The following STAG1 variants were observed in gnomAD, a reference collection of about 807,000 sequenced individuals.
The protein encoded by STAG1 is STAG1 cohesin complex component, also known as cohesin subunit SA-1.
Under a neutral mutation model 170.9 loss-of-function variants are expected in STAG1, and 26 were observed. The ratio of observed to expected loss-of-function variants is 0.15; its 90% CI spans 0.11 to 0.21. The LOEUF (loss-of-function observed/expected upper bound fraction) is 0.21, where lower values mean the gene tolerates loss of function less well. Among genes scored for constraint, STAG1 ranks in the 10% least tolerant of loss-of-function variants. The probability of loss-of-function intolerance (pLI) is 1.00; values close to 1 mark genes in which losing one functional copy is unlikely to be tolerated. For missense variants in STAG1, 964 were observed against 1,509.5 expected (o/e 0.64, Z 5.99); for synonymous variants, 514 against 497.7 (o/e 1.03, Z -0.44).
At chr3:136,730,645 G>T (rs1576823788) in intron 1 of STAG1, among the ~76,000 whole-genome samples, 2 of 152,180 alleles carry the variant, frequency 1.3e-5, no homozygotes, top group Admixed American at 1.3e-4. Flanking sequence ...TCAGATTTGG[G>T]TTCAGCTGGT....
intron 1 of STAG1, among the ~76,000 whole-genome samples, chr3:136,682,642 T>C (rs1004875508): frequency 2.6e-4 from 40 of 151,788 alleles, no homozygotes; most frequent in African/African-American, 9.7e-4. Context: ...TACAATACCA[T>C]GAAAAGAAAT....
chr3:136,698,027 A>AAAAG (rs1263474395), intron 1 of STAG1, among the ~76,000 whole-genome samples: 1 of 152,130 alleles, frequency 6.6e-6, no homozygotes, highest in Non-Finnish European at 1.5e-5. Context: ...TGGGAAAAAA[A>AAAAG]AAAGAAAGAA....
At chr3:136,366,438 C>G (rs1418521557) in intron 25 of STAG1, among the ~76,000 whole-genome samples, 1 of 152,074 alleles carries the variant, frequency 6.6e-6, no homozygotes, top group Non-Finnish European at 1.5e-5. Flanking sequence ...CCTCTGGCTA[C>G]CAGCACATTA....
rs568213513 is a variant in STAG1 at position 136,722,964 on chromosome 3, G to C, written c.-84+29231C>G. 3.0e-3 allele frequency among the ~76,000 whole-genome samples: 450 copies of C among 152,340 alleles called. 15 individuals carry two copies. The highest frequency in any genetic ancestry group is 0.027 in the Admixed American group (409 of 15,304). ...CAGCCTCGGCCTCCCGAGGTGCCGG[G>C]ATTGCAGACGGAGTCTGGTTCACTC... is the stretch of plus-strand genomic sequence containing the variant. On this transcript the variant is annotated intron_variant, in intron 1 of 33. Coordinates refer to ENST00000383202, the MANE Select transcript of STAG1 (RefSeq NM_005862.3).
chr3:136,745,329 C>T (rs1197363212), intron 1 of STAG1, among the ~76,000 whole-genome samples: 4 of 151,984 alleles, frequency 2.6e-5, no homozygotes, highest in East Asian at 1.9e-4. Context: ...AAAAAACAAA[C>T]GGGGGGCAGG....
chr3:136,626,175 C>G (rs1295486188), intron 2 of STAG1, among the ~76,000 whole-genome samples: 1 of 152,164 alleles, frequency 6.6e-6, no homozygotes, highest in Non-Finnish European at 1.5e-5. Context: ...TGCCTGTAAT[C>G]CCAGCACTTT....
chr3:136,607,447 G>A (rs1039406026), intron 3 of STAG1, among the ~76,000 whole-genome samples: 5 of 152,036 alleles, frequency 3.3e-5, no homozygotes, highest in African/African-American at 1.2e-4. Context: ...TTGTTGCTCA[G>A]GCTGGAGTGC....
chr3:136,725,333 T>C (rs1300594059), intron 1 of STAG1, among the ~76,000 whole-genome samples: 3 of 152,210 alleles, frequency 2.0e-5, no homozygotes, highest in African/African-American at 4.8e-5. Flanking sequence ...AATTATTTCC[T>C]ATTTCTAAAA....
At chr3:136,692,834 T>C (rs1261495703) in intron 1 of STAG1, among the ~76,000 whole-genome samples, 1 of 152,208 alleles carries the variant, frequency 6.6e-6, no homozygotes, top group Non-Finnish European at 1.5e-5. Flanking sequence ...GTAAGGCAGA[T>C]TGGCTCAACA....
At chr3:136,427,344 T>C (rs1358284835) in intron 16 of STAG1, among the ~76,000 whole-genome samples, 1 of 152,212 alleles carries the variant, frequency 6.6e-6, no homozygotes, top group Non-Finnish European at 1.5e-5. Context: ...AGCTCAAGTA[T>C]TGCCAAGTAT....
At chr3:136,393,189 T>C (rs2087057669) in intron 22 of STAG1, among the ~76,000 whole-genome samples, 1 of 152,134 alleles carries the variant, frequency 6.6e-6, no homozygotes, top group Non-Finnish European at 1.5e-5. Flanking sequence ...ATTAAATACA[T>C]TTAACATATA....
intron 1 of STAG1, among the ~76,000 whole-genome samples, chr3:136,714,627 C>G (rs1187175017): frequency 2.0e-5 from 3 of 151,724 alleles, no homozygotes; most frequent in Non-Finnish European, 4.4e-5. Context: ...ACTTGGGAGG[C>G]TGAGGCAGGA....
rs141419952 is a variant in STAG1 at position 136,662,783 on chromosome 3, G to A, written c.-83-31802C>T. 2.6e-3 allele frequency among the ~76,000 whole-genome samples: 401 copies of A among 152,252 alleles called. 2 individuals carry two copies. Among genetic ancestry groups the A allele is most frequent in the African/African-American group, 9.3e-3 (385 of 41,552 alleles). ...AAAATAAAATCAGCTGGGCATGGTC[G>A]CTAACATCTGTTAATCCCAGCATTT... On this transcript the variant is annotated intron_variant, in intron 1 of 33. Coordinates refer to ENST00000383202, the MANE Select transcript of STAG1 (RefSeq NM_005862.3).
rs531314637 is a variant in STAG1, at chr3:136,565,831, G to A, written c.394+2934C>T. Among the ~76,000 whole-genome samples the A allele has an allele frequency of 5.3e-5, 8 of 152,272 alleles. No homozygotes were observed. In the East Asian group the frequency reaches 9.7e-4, roughly 18 times the overall value. On this transcript the variant is annotated intron_variant, in intron 5 of 33. Coordinates refer to ENST00000383202, the MANE Select transcript of STAG1 (RefSeq NM_005862.3). ...ACAAACAGTGATATATACATACGAT[G>A]GATTATTATTCAGCCCTAAACGAAA...
chr3:136,495,173 G>A (rs896648212), intron 9 of STAG1, among the ~76,000 whole-genome samples: 207 of 152,280 alleles, frequency 1.4e-3, no homozygotes, highest in African/African-American at 4.8e-3. Context: ...AAGAGAGATG[G>A]CATGGTAATT....
chr3:136,447,649 C>T (rs2088823261), intron 14 of STAG1, among the ~76,000 whole-genome samples: 1 of 137,688 alleles, frequency 7.3e-6, no homozygotes, highest in Non-Finnish European at 1.5e-5. Flanking sequence ...AACTGTCGCC[C>T]AGGCTGGAGG....
At chr3:136,473,398 C>A (rs2089672119) in intron 11 of STAG1, 141 bp downstream of exon 11, 2 of 595,318 alleles carry the variant, frequency 3.4e-6, no homozygotes, top group Non-Finnish European at 2.8e-6. Flanking sequence ...TGAAACTGGT[C>A]CCTGGTGCCA....
rs377735053 is a variant in STAG1 at position 136,406,911 on chromosome 3, ACT to A, written c.2197-8084_2197-8083del. Among the ~76,000 whole-genome samples the A allele has an allele frequency of 1.6e-3, 241 of 152,346 alleles. 2 individuals carry two copies. The highest frequency in any genetic ancestry group is 5.4e-3 in the African/African-American group (226 of 41,580). The stretch of plus-strand genomic sequence containing the variant: ...GCACATTAATCCTTGGCAATTCAAG[ACT>A]CTGAAATTTTATTGTCAAGCTTACA... On this transcript the variant is annotated intron_variant, in intron 21 of 33. Transcript: ENST00000383202.
intron 24 of STAG1, among the ~76,000 whole-genome samples, chr3:136,368,893 T>C (rs555647346): frequency 7.9e-5 from 12 of 152,310 alleles, no homozygotes; most frequent in Admixed American, 5.9e-4. Context: ...TCTCGCCATA[T>C]TGCCTAGGCT....
Sources: gnomAD v4.1 joint callset for allele counts (sites outside exome capture counted in the v4.1 genomes callset) on GRCh38, gnomAD v4.1.1 for gene constraint, MANE v1.5 for transcripts, NCBI Gene and HGNC (gene_info 2026-07-23, HGNC 2026-07-21) for gene names.